Variants in RAD51B observed in about 807,000 individuals in gnomAD.
The protein encoded by RAD51B is DNA repair protein RAD51 homolog 2.
RAD51B carries 38 observed loss-of-function variants against 42.2 expected under a neutral mutation model. The ratio of observed to expected loss-of-function variants is 0.90; its 90% CI spans 0.70 to 1.18. The LOEUF (loss-of-function observed/expected upper bound fraction) is 1.18. RAD51B is among the 50% of genes most tolerant of loss of function. The pLI is 0.00. For missense variants in RAD51B, 373 were observed against 400.7 expected, an observed-to-expected ratio of 0.93 and a Z score of 0.59; for synonymous variants, 154 against 145.2, an observed-to-expected ratio of 1.06 and a Z score of -0.43.
intron 10 of RAD51B, among the ~76,000 whole-genome samples, chr14:68,618,865 C>A (rs1891881120): frequency 6.6e-6 from 1 of 152,046 alleles, no homozygotes; most frequent in Admixed American, 6.5e-5. Context: ...TTCTTTTGTC[C>A]CCCATTCTTA....
intron 7 of RAD51B, among the ~76,000 whole-genome samples, chr14:68,244,941 T>C (rs2080464466): frequency 6.6e-6 from 1 of 152,190 alleles, no homozygotes; most frequent in African/African-American, 2.4e-5. Context: ...TGTCCTAACA[T>C]TTGGGTAGAT....
intron 7 of RAD51B, among the ~76,000 whole-genome samples, chr14:68,191,027 T>C (rs1221094607): frequency 1.6e-5 from 1 of 62,442 alleles, no homozygotes; most frequent in Non-Finnish European, 3.7e-5. Flanking sequence ...GCTATATTAC[T>C]ACAAGCTTTT....
At chr14:68,506,375 T>C (rs1428688955) in intron 10 of RAD51B, among the ~76,000 whole-genome samples, 1 of 152,058 alleles carries the variant, frequency 6.6e-6, no homozygotes, top group East Asian at 1.9e-4. Flanking sequence ...TCCCCAACAC[T>C]CAGGCTCGGG....
At chr14:68,577,437 T>A (rs976721253) in intron 10 of RAD51B, among the ~76,000 whole-genome samples, 2 of 152,178 alleles carry the variant, frequency 1.3e-5, no homozygotes, top group Non-Finnish European at 2.9e-5. Flanking sequence ...CTCCTTTAGT[T>A]TAGATGCTTC....
intron 7 of RAD51B, among the ~76,000 whole-genome samples, chr14:68,141,435 T>C (rs922707410): frequency 6.6e-6 from 1 of 152,194 alleles, no homozygotes; most frequent in Non-Finnish European, 1.5e-5. Flanking sequence ...GGAAAGAATA[T>C]ACTACTAAAG....
At chr14:68,403,074 G>A (rs1215056097) in intron 8 of RAD51B, among the ~76,000 whole-genome samples, 3 of 152,338 alleles carry the variant, frequency 2.0e-5, no homozygotes, top group Non-Finnish European at 2.9e-5. Context: ...AGATATGAAC[G>A]AGAATGCAGT....
At chr14:68,648,036 T>TATATACGTATATATATATATATAC (rs375269798) in intron 10 of RAD51B, among the ~76,000 whole-genome samples, 1 of 114,006 alleles carries the variant, frequency 8.8e-6, no homozygotes, top group African/African-American at 3.3e-5. Flanking sequence ...TATATATATA[T>TATATACGTATATATATATATATAC]ACACACGTAT....
At chr14:68,426,018 TTCTTTCTTTCTC>T (rs1260929062) in intron 9 of RAD51B, among the ~76,000 whole-genome samples, 13 of 148,126 alleles carry the variant, frequency 8.8e-5, no homozygotes, top group African/African-American at 2.6e-4. Flanking sequence ...CTTTCTTTCT[TTCTTTCTTTCTC>T]TCTTTCTTTC....
At chr14:68,029,689 C>T (rs753543828) in intron 7 of RAD51B, among the ~76,000 whole-genome samples, 2 of 152,150 alleles carry the variant, frequency 1.3e-5, no homozygotes, top group Non-Finnish European at 1.5e-5. Flanking sequence ...GTGCATGTTG[C>T]TATTTTGACC....
intron 3 of RAD51B, among the ~76,000 whole-genome samples, chr14:67,831,625 C>T (rs935386439): frequency 6.6e-6 from 1 of 152,188 alleles, no homozygotes; most frequent in African/African-American, 2.4e-5. Flanking sequence ...CAACCTCCGC[C>T]TCCCGGGTTC....
intron 7 of RAD51B, among the ~76,000 whole-genome samples, chr14:67,897,882 C>A (rs994025614): frequency 4.6e-5 from 7 of 152,118 alleles, no homozygotes; most frequent in Non-Finnish European, 7.4e-5. Context: ...GAACTCCTGA[C>A]CTCAGGTGAT....
At chr14:68,356,338 G>A (rs2082899129) in intron 8 of RAD51B, among the ~76,000 whole-genome samples, 1 of 151,816 alleles carries the variant, frequency 6.6e-6, no homozygotes, top group African/African-American at 2.4e-5. Flanking sequence ...CGGAGGCTGA[G>A]GCGGGAGAAT....
chr14:67,832,954 AC>A (rs57081886), intron 3 of RAD51B, among the ~76,000 whole-genome samples: 1 of 152,376 alleles, frequency 6.6e-6, no homozygotes, highest in African/African-American at 2.4e-5. Context: ...AATTAAAAAA[AC>A]AATTTTCCTT....
intron 9 of RAD51B, among the ~76,000 whole-genome samples, chr14:68,438,503 C>T (rs1219525135): frequency 1.3e-5 from 2 of 152,152 alleles, no homozygotes; most frequent in African/African-American, 4.8e-5. Context: ...TGTATGGCTG[C>T]TTCCATTCTT....
At chr14:68,081,126 C>T (rs1018280165) in intron 7 of RAD51B, among the ~76,000 whole-genome samples, 4 of 152,154 alleles carry the variant, frequency 2.6e-5, no homozygotes, top group Admixed American at 2.6e-4. Context: ...AAGCATCTAT[C>T]ACTTTGATAT....
At chr14:68,157,619 T>G (rs2078541073) in intron 7 of RAD51B, among the ~76,000 whole-genome samples, 1 of 152,232 alleles carries the variant, frequency 6.6e-6, no homozygotes, top group Non-Finnish European at 1.5e-5. Context: ...TAACTACCAG[T>G]TCACTGTCCT....
At chr14:68,582,355 G>C (rs1890246754) in intron 10 of RAD51B, among the ~76,000 whole-genome samples, 1 of 152,186 alleles carries the variant, frequency 6.6e-6, no homozygotes, top group African/African-American at 2.4e-5. Context: ...GATATGAACA[G>C]ACACTTCTCA....
intron 9 of RAD51B, among the ~76,000 whole-genome samples, chr14:68,449,327 CCTT>C (rs1483405988): frequency 2.0e-5 from 3 of 152,190 alleles, no homozygotes; most frequent in African/African-American, 7.2e-5. Context: ...TCATCATTAA[CCTT>C]CTCTAATTCT....
At chr14:67,921,780 A>G (rs2044335347) in intron 7 of RAD51B, among the ~76,000 whole-genome samples, 2 of 152,106 alleles carry the variant, frequency 1.3e-5, no homozygotes, top group Admixed American at 6.5e-5. Context: ...GAATTTGCAC[A>G]TTCTCCCCAT....
Sources: gnomAD v4.1 joint callset for allele counts (sites outside exome capture counted in the v4.1 genomes callset) on GRCh38, gnomAD v4.1.1 for gene constraint, MANE v1.5 for transcripts, NCBI Gene and HGNC (gene_info 2026-07-23, HGNC 2026-07-21) for gene names.